The following DNER variants were observed in gnomAD, a reference collection of about 807,000 sequenced individuals.
DNER encodes the protein delta and Notch-like epidermal growth factor-related receptor.
Under a neutral mutation model 78.2 loss-of-function variants are expected in DNER, and 33 were observed. The observed-to-expected ratio is 0.42, with a 90% CI of 0.32 to 0.56. DNER has a LOEUF of 0.56. DNER is among the 20% of genes least tolerant of loss of function. The probability of loss-of-function intolerance (pLI) is 0.11; values close to 1 mark genes in which losing one functional copy is unlikely to be tolerated. For synonymous variants in DNER, 417 were observed against 384.8 expected (o/e 1.08, Z -0.98); for missense variants, 918 against 975.3 (o/e 0.94, Z 0.78).
chr2:229,563,771 T>TCCA (rs897597723), intron 4 of DNER, among the ~76,000 whole-genome samples: 4 of 28,932 alleles, frequency 1.4e-4, no homozygotes, highest in Non-Finnish European at 2.7e-4. Flanking sequence ...TCACCCCATC[T>TCCA]CCATCATCAT....
chr2:229,630,002 C>T (rs1698407371), intron 1 of DNER, among the ~76,000 whole-genome samples: 1 of 152,320 alleles, frequency 6.6e-6, no homozygotes, highest in African/African-American at 2.4e-5. Context: ...TTAGCAATCT[C>T]ATCTATAGGC....
intron 1 of DNER, among the ~76,000 whole-genome samples, chr2:229,711,581 G>A (rs988432478): frequency 9.9e-5 from 15 of 152,100 alleles, no homozygotes; most frequent in Middle Eastern, 3.2e-3. Flanking sequence ...ATCCTAATTC[G>A]TAGTTTATGA....
chr2:229,674,269 A>C (rs958315672), intron 1 of DNER, among the ~76,000 whole-genome samples: 10 of 152,268 alleles, frequency 6.6e-5, no homozygotes, highest in African/African-American at 2.4e-4. Flanking sequence ...ACCCAGACAG[A>C]CCCAGGACCC....
intron 1 of DNER, among the ~76,000 whole-genome samples, chr2:229,675,588 G>C (rs935184899): frequency 6.6e-6 from 1 of 152,140 alleles, no homozygotes; most frequent in Non-Finnish European, 1.5e-5. Flanking sequence ...TGTGTCCCTG[G>C]AGGCTAATCA....
intron 5 of DNER, among the ~76,000 whole-genome samples, chr2:229,522,722 G>T (rs1696126522): frequency 6.6e-6 from 1 of 152,182 alleles, no homozygotes; most frequent in Non-Finnish European, 1.5e-5. Context: ...AGTTACCTCG[G>T]ATGGGAGCAA....
chr2:229,360,257 T>C (rs1324344446), intron 12 of DNER, among the ~76,000 whole-genome samples: 2 of 152,174 alleles, frequency 1.3e-5, no homozygotes. Context: ...TAACCAAAAA[T>C]ATCCAGCAAC....
chr2:229,631,879 G>A (rs1277088246), intron 1 of DNER, among the ~76,000 whole-genome samples: 1 of 152,184 alleles, frequency 6.6e-6, no homozygotes, highest in African/African-American at 2.4e-5. Context: ...GTTGTCTTAA[G>A]AATTAAACGA....
At chr2:229,554,217 C>T (rs939800397) in intron 4 of DNER, among the ~76,000 whole-genome samples, 1 of 152,134 alleles carries the variant, frequency 6.6e-6, no homozygotes, top group Non-Finnish European at 1.5e-5. Flanking sequence ...TACATCAATG[C>T]TAAGAATGTT....
intron 10 of DNER, among the ~76,000 whole-genome samples, chr2:229,401,409 A>G (rs2106341602): frequency 6.6e-6 from 1 of 152,236 alleles, no homozygotes; most frequent in South Asian, 2.1e-4. Context: ...AATAGCTGAA[A>G]ACTGAAAACA....
intron 5 of DNER, among the ~76,000 whole-genome samples, chr2:229,543,527 T>C (rs554791674): frequency 2.0e-5 from 3 of 152,374 alleles, no homozygotes; most frequent in African/African-American, 7.2e-5. Flanking sequence ...TCAAAAATTC[T>C]GGTTCCTCTT....
intron 8 of DNER, among the ~76,000 whole-genome samples, chr2:229,442,129 G>A (rs1468605409): frequency 6.6e-6 from 1 of 152,112 alleles, no homozygotes; most frequent in African/African-American, 2.4e-5. Flanking sequence ...ATTAGGATCT[G>A]GAGGAAAAAG....
At chr2:229,569,239 T>C (rs1332815425) in intron 4 of DNER, among the ~76,000 whole-genome samples, 1 of 152,198 alleles carries the variant, frequency 6.6e-6, no homozygotes, top group Non-Finnish European at 1.5e-5. Context: ...GTCCCTTACA[T>C]AGGCTGAGCG....
intron 1 of DNER, among the ~76,000 whole-genome samples, chr2:229,702,674 T>C (rs1256796017): frequency 1.3e-5 from 2 of 152,066 alleles, no homozygotes; most frequent in African/African-American, 2.4e-5. Flanking sequence ...TCCCAGCACT[T>C]TGGGAGGCCG....
intron 8 of DNER, among the ~76,000 whole-genome samples, chr2:229,426,832 A>G (rs1693889495): frequency 6.6e-6 from 1 of 152,216 alleles, no homozygotes; most frequent in Middle Eastern, 3.2e-3. Context: ...TTCACTGAGT[A>G]ATCGTGCTTC....
intron 1 of DNER, among the ~76,000 whole-genome samples, chr2:229,683,231 C>G (rs1483334538): frequency 3.3e-5 from 5 of 152,050 alleles, no homozygotes; most frequent in African/African-American, 9.7e-5. Flanking sequence ...TATTGTTACC[C>G]CATTTTATGG....
At chr2:229,421,664 A>G (rs200841756) in intron 8 of DNER, among the ~76,000 whole-genome samples, 1 of 69,758 alleles carries the variant, frequency 1.4e-5, no homozygotes, top group African/African-American at 5.1e-5. Flanking sequence ...GAGAGAGAGA[A>G]AGTGGGAGAG....
chr2:229,679,096 G>C (rs1699346286), intron 1 of DNER, among the ~76,000 whole-genome samples: 1 of 152,142 alleles, frequency 6.6e-6, no homozygotes, highest in Non-Finnish European at 1.5e-5. Context: ...AGGCCCTGTA[G>C]ACAGAGTTAT....
intron 10 of DNER, among the ~76,000 whole-genome samples, chr2:229,393,348 C>T (rs1693058560): frequency 6.6e-6 from 1 of 151,880 alleles, no homozygotes; most frequent in African/African-American, 2.4e-5. Context: ...GAATCTTGAA[C>T]TAGGGATGCA....
At chr2:229,592,688 T>C (rs563175828) in intron 1 of DNER, among the ~76,000 whole-genome samples, 1 of 150,462 alleles carries the variant, frequency 6.6e-6, no homozygotes, top group Admixed American at 6.6e-5. Flanking sequence ...GCAGACACGC[T>C]ACAAAACAAT....
Sources: gnomAD v4.1 joint callset for allele counts (sites outside exome capture counted in the v4.1 genomes callset) on GRCh38, gnomAD v4.1.1 for gene constraint, MANE v1.5 for transcripts, NCBI Gene and HGNC (gene_info 2026-07-23, HGNC 2026-07-21) for gene names.